RAB3GAP2: variants seen among roughly 807,000 people sequenced by gnomAD.
RAB3GAP2 encodes the protein rab3 GTPase-activating protein non-catalytic subunit.
A neutral mutation model predicts 185.3 loss-of-function variants in RAB3GAP2; 87 were observed. The observed-to-expected ratio is 0.47, with a 90% CI of 0.39 to 0.56. RAB3GAP2 has a LOEUF of 0.56. Ranked by LOEUF, RAB3GAP2 falls within the 20% of genes least tolerant of loss-of-function variation. RAB3GAP2 has a pLI of 0.00. For synonymous variants in RAB3GAP2, 554 were observed against 576.1 expected (o/e 0.96, Z 0.55); for missense variants, 1,492 against 1,638.2 (o/e 0.91, Z 1.54).
chr1:220,159,220 T>A (rs1657916291), intron 29 of RAB3GAP2, among the ~76,000 whole-genome samples, 166 bp downstream of exon 29: 1 of 152,172 alleles, frequency 6.6e-6, no homozygotes, highest in Non-Finnish European at 1.5e-5. Flanking sequence ...CTGGCCATAG[T>A]TCATGACCAG....
intron 8 of RAB3GAP2, among the ~76,000 whole-genome samples, chr1:220,204,525 T>C (rs1019327459): frequency 2.0e-5 from 3 of 152,260 alleles, no homozygotes; most frequent in East Asian, 3.9e-4. Context: ...TTTGGGGCCA[T>C]TAAGGCTCCT....
intron 20 of RAB3GAP2, 130 bp from the exon 21 acceptor site, chr1:220,182,484 T>C: frequency 1.3e-6 from 2 of 1,504,504 alleles, no homozygotes; most frequent in Non-Finnish European, 8.9e-7. Flanking sequence ...ATTGTTCAAT[T>C]TGCTTGATTT....
intron 27 of RAB3GAP2, among the ~76,000 whole-genome samples, chr1:220,164,252 G>T (rs918854825): frequency 1.3e-5 from 2 of 151,878 alleles, no homozygotes; most frequent in African/African-American, 4.8e-5. Context: ...ATCTGTGAAG[G>T]GTGTAATGAA....
intron 1 of RAB3GAP2, among the ~76,000 whole-genome samples, chr1:220,242,931 T>TA (rs2102897181): frequency 6.6e-6 from 1 of 152,332 alleles, no homozygotes; most frequent in South Asian, 2.1e-4. Flanking sequence ...AATTTAGAGA[T>TA]AAAAATGTTC....
At chr1:220,260,003 A>T (rs1660103530) in intron 1 of RAB3GAP2, among the ~76,000 whole-genome samples, 1 of 152,192 alleles carries the variant, frequency 6.6e-6, no homozygotes, top group Non-Finnish European at 1.5e-5. Flanking sequence ...CAATATCACT[A>T]ATCATTACAG....
At chr1:220,247,646 A>C (rs958533169) in intron 1 of RAB3GAP2, among the ~76,000 whole-genome samples, 1 of 152,222 alleles carries the variant, frequency 6.6e-6, no homozygotes, top group Non-Finnish European at 1.5e-5. Context: ...TATTGGGTAC[A>C]GTGTACACTG....
chr1:220,176,735 C>G (rs1388927460), intron 21 of RAB3GAP2, among the ~76,000 whole-genome samples: 1 of 152,176 alleles, frequency 6.6e-6, no homozygotes, highest in African/African-American at 2.4e-5. Flanking sequence ...GGCTCACCAA[C>G]CTCTATCTCA....
intron 32 of RAB3GAP2, 122 bp downstream of exon 32, chr1:220,153,844 ATG>A: frequency 7.5e-7 from 1 of 1,334,816 alleles, no homozygotes. Flanking sequence ...GAGTGAGAAC[ATG>A]TGCTGTTTGG....
intron 2 of RAB3GAP2, among the ~76,000 whole-genome samples, chr1:220,232,356 T>TA (rs982078645): frequency 2.9e-4 from 44 of 152,082 alleles, no homozygotes; most frequent in Admixed American, 1.2e-3. Context: ...AATGAGGGAG[T>TA]AGGTTCCTTA....
intron 28 of RAB3GAP2, 96 bp from the exon 29 acceptor site, chr1:220,159,517 C>A: frequency 1.1e-6 from 1 of 908,856 alleles, no homozygotes; most frequent in South Asian, 1.5e-5. Context: ...ATTTAAAAAC[C>A]GTAAATGGCG....
At chr1:220,208,033 T>A (rs1659002402) in intron 7 of RAB3GAP2, 1 of 152,198 alleles carries the variant, frequency 6.6e-6, no homozygotes, top group African/African-American at 2.4e-5. Context: ...ACGTGTCAGA[T>A]CCAGAGCTGT....
At chr1:220,189,847 C>G in intron 16 of RAB3GAP2, 80 bp from the exon 17 acceptor site, 5 of 1,242,016 alleles carry the variant, frequency 4.0e-6, no homozygotes, top group Non-Finnish European at 4.5e-6. Flanking sequence ...ATGAACATAT[C>G]TGTACTATCA....
chr1:220,254,952 C>CTTTTTTTTT (rs59174009), intron 1 of RAB3GAP2, among the ~76,000 whole-genome samples: 4 of 131,520 alleles, frequency 3.0e-5, no homozygotes, highest in African/African-American at 5.5e-5. Flanking sequence ...TCCATTTGTG[C>CTTTTTTTTT]TTTTTTTTTT....
chr1:220,223,834 C>A (rs1320329240), intron 2 of RAB3GAP2, among the ~76,000 whole-genome samples: 1 of 151,346 alleles, frequency 6.6e-6, no homozygotes, highest in Non-Finnish European at 1.5e-5. Flanking sequence ...CCTTTAGAAG[C>A]ACCATGCAAC....
At chr1:220,247,041 T>G (rs978505963) in intron 1 of RAB3GAP2, among the ~76,000 whole-genome samples, 20 of 151,990 alleles carry the variant, frequency 1.3e-4, no homozygotes, top group Non-Finnish European at 2.8e-4. Context: ...AAATGCAAAT[T>G]AAAACCACAA....
intron 27 of RAB3GAP2, among the ~76,000 whole-genome samples, chr1:220,163,027 G>A (rs901327379): frequency 2.6e-5 from 4 of 152,204 alleles, no homozygotes; most frequent in South Asian, 2.1e-4. Context: ...GGCTATAGTC[G>A]CACTCGGAGG....
chr1:220,192,583 T>C (rs947442013), intron 13 of RAB3GAP2, among the ~76,000 whole-genome samples: 7 of 152,236 alleles, frequency 4.6e-5, no homozygotes, highest in African/African-American at 1.4e-4. Context: ...TAGATAATGG[T>C]TGAAGGGACT....
Position 220,157,825 on chromosome 1 carries a change from C to T in RAB3GAP2, c.3313G>A (p.Asp1105Asn). The T allele has an allele frequency of 6.2e-7, 1 of 1,613,330 alleles. No individual in the cohort carries two copies. Among genetic ancestry groups the T allele is most frequent in the South Asian group, 1.1e-5 (1 of 91,040 alleles). ...AMTSFLGSCL[D>N]LLQILMEADV... ...ACCTCCATTAAGATCTGAAGAAGAT[C>T]CAAACAGGAGCCGAGGAAAGATGTC... The change falls in exon 30 of 35, where the codon GAT becomes AAT. Residue 1105 changes from aspartate (D) to asparagine (N), a missense_variant. Asp to Asn is a conservative substitution (Grantham distance 23). Transcript: ENST00000358951.
Position 220,207,998 on chromosome 1 carries a change from G to C in RAB3GAP2, c.613-1992C>G, listed in dbSNP as rs11118504. On this transcript the variant is annotated intron_variant, in intron 7 of 34. Transcript: ENST00000358951. ...GGAGTATATTAAAAAGAAGCAAATA[G>C]AAGATATTTTTGATATATAAATTGA... 1.1e-3 allele frequency: 161 copies of C among 152,246 alleles called. 1 individual carries two copies. The highest frequency in any genetic ancestry group is 3.8e-3 in the African/African-American group (158 of 41,548). 9.4% of individuals were successfully genotyped at this position (152,246 alleles called of 1,614,324 possible).
Sources: gnomAD v4.1 joint callset for allele counts (sites outside exome capture counted in the v4.1 genomes callset) on GRCh38, gnomAD v4.1.1 for gene constraint, MANE v1.5 for transcripts, NCBI Gene and HGNC (gene_info 2026-07-23, HGNC 2026-07-21) for gene names.